The following TERB2 variants were observed in gnomAD, a reference collection of about 807,000 sequenced individuals.
TERB2 encodes the protein telomere repeats-binding bouquet formation protein 2.
Under a neutral mutation model 29.8 loss-of-function variants are expected in TERB2, and 26 were observed. That is an observed-to-expected ratio of 0.87 (90% CI 0.64 to 1.21). TERB2 has a LOEUF of 1.21. Among genes scored for constraint, TERB2 ranks in the 50% most tolerant of loss-of-function variants. The probability of loss-of-function intolerance (pLI) is 0.00; values close to 1 mark genes in which losing one functional copy is unlikely to be tolerated. For missense variants in TERB2, 240 were observed against 268.6 expected (o/e 0.89, Z 0.74); for synonymous variants, 80 against 90.8 (o/e 0.88, Z 0.68).
chr15:44,971,705 A>G (rs111390614), intron 5 of TERB2, among the ~76,000 whole-genome samples: 2,529 of 152,178 alleles, frequency 0.017, 22 homozygotes, highest in Middle Eastern at 0.031. Context: ...GCAGTAAGCC[A>G]AGACCATGCC....
rs143033873 is a variant in TERB2 at position 44,962,587 on chromosome 15, T to C, written c.348+1003T>C. 7.2e-5 allele frequency among the ~76,000 whole-genome samples: 11 copies of C among 152,274 alleles called. No homozygotes were observed. In the East Asian group the frequency reaches 2.1e-3, roughly 29 times the overall value. On this transcript the variant is annotated intron_variant, in intron 4 of 6. Coordinates refer to ENST00000340827, the MANE Select transcript of TERB2 (RefSeq NM_152448.3). ...TGAATAACACGCCTCAATAAATGTGTACAAGAGTCTGTCTGAACCTATTCT... is the reference window on the plus strand; with the variant it reads ...TGAATAACACGCCTCAATAAATGTGCACAAGAGTCTGTCTGAACCTATTCT...
At chr15:44,966,352 A>C (rs73419356) in intron 5 of TERB2, 109 bp downstream of exon 5, 2 of 500,390 alleles carry the variant, frequency 4.0e-6, no homozygotes, top group Non-Finnish European at 6.5e-6. Context: ...GATAGATAGC[A>C]TTATAATCAT....
intron 6 of TERB2, among the ~76,000 whole-genome samples, chr15:44,977,817 A>T (rs1157005012): frequency 3.9e-5 from 6 of 152,208 alleles, no homozygotes; most frequent in Non-Finnish European, 7.4e-5. Context: ...TAAAAGCCAC[A>T]AACACTTGTA....
intron 3 of TERB2, 117 bp from the exon 4 acceptor site, chr15:44,961,406 G>A: frequency 3.0e-6 from 2 of 657,740 alleles, no homozygotes; most frequent in Non-Finnish European, 5.3e-6. Context: ...AGTGTGTTAT[G>A]TGATTTTGTT....
intron 3 of TERB2, among the ~76,000 whole-genome samples, chr15:44,960,987 A>G (rs898981758): frequency 6.6e-6 from 1 of 151,840 alleles, no homozygotes; most frequent in Non-Finnish European, 1.5e-5. Flanking sequence ...TTAGATATAC[A>G]TCTAATATAT....
At chr15:44,964,898 G>T (rs1218081454) in intron 4 of TERB2, among the ~76,000 whole-genome samples, 1 of 151,766 alleles carries the variant, frequency 6.6e-6, no homozygotes, top group Non-Finnish European at 1.5e-5. Context: ...GCAGTGGGTC[G>T]CGCCTGTAAT....
intron 5 of TERB2, among the ~76,000 whole-genome samples, chr15:44,969,403 C>T (rs1446403687): frequency 1.3e-5 from 2 of 152,090 alleles, no homozygotes; most frequent in African/African-American, 4.8e-5. Flanking sequence ...CCAACTCGCC[C>T]AGCCTAATTA....
At chr15:44,973,029 G>C (rs112538537) in intron 5 of TERB2, among the ~76,000 whole-genome samples, 2,516 of 150,836 alleles carry the variant, frequency 0.017, 22 homozygotes, top group Middle Eastern at 0.031. Context: ...ATTACAGGTG[G>C]GTGCCACCAC....
In TERB2 at chr15:44,978,714, TG is replaced by T. The variant is rs1424460215; in HGVS notation, c.*91del. On this transcript the variant is annotated 3_prime_UTR_variant, in exon 7 of 7. Coordinates refer to ENST00000340827, the MANE Select transcript of TERB2 (RefSeq NM_152448.3). ...ATCATAAAATGCTCCCTTTTGGTAC[TG>T]GGGGATAGTGAAATGGGAAATAATT... 9.7e-6 allele frequency: 13 copies of T among 1,336,010 alleles called. No homozygotes were observed. The highest frequency in any genetic ancestry group is 1.5e-5 in the African/African-American group (1 of 67,114). 82.8% of individuals were successfully genotyped at this position (1,336,010 alleles called of 1,614,324 possible). A position where few individuals can be genotyped will look rare whatever the true frequency, so the allele number is the denominator to read the frequency against.
At chr15:44,970,854 C>A (rs1478225143) in intron 5 of TERB2, 1 of 154,598 alleles carries the variant, frequency 6.5e-6, no homozygotes, top group African/African-American at 2.4e-5. Flanking sequence ...CTCATTTTAT[C>A]CAATTTGCTC....
intron 5 of TERB2, among the ~76,000 whole-genome samples, chr15:44,966,718 TAC>T (rs1891895548): frequency 3.3e-5 from 5 of 152,230 alleles, no homozygotes; most frequent in African/African-American, 4.8e-5. Context: ...GGAAATACAC[TAC>T]ATATTAGCAG....
intron 5 of TERB2, among the ~76,000 whole-genome samples, chr15:44,969,027 G>A (rs1383618625): frequency 3.9e-5 from 6 of 152,024 alleles, no homozygotes; most frequent in Admixed American, 3.9e-4. Context: ...ACTCCCAGGA[G>A]TTCAGGCAAT....
intron 5 of TERB2, among the ~76,000 whole-genome samples, chr15:44,973,142 A>G (rs1891995792): frequency 6.6e-6 from 1 of 152,146 alleles, no homozygotes. Context: ...CGGCCTCCCA[A>G]AGTGCCAGAT....
chr15:44,961,780 A>G (rs1438060841), intron 4 of TERB2, among the ~76,000 whole-genome samples, 196 bp downstream of exon 4: 1 of 152,196 alleles, frequency 6.6e-6, no homozygotes, highest in Non-Finnish European at 1.5e-5. Flanking sequence ...GCTCACTGCA[A>G]CCTTTGCCTT....
At chr15:44,974,050 G>A (rs192772490) in intron 6 of TERB2, 95 bp downstream of exon 6, 1 of 1,179,448 alleles carries the variant, frequency 8.5e-7, no homozygotes, top group East Asian at 4.0e-5. Context: ...TACCTAGAGA[G>A]TAGAGCCTTC....
chr15:44,976,015 T>C (rs1892042090), intron 6 of TERB2: 2 of 152,232 alleles, frequency 1.3e-5, no homozygotes. Context: ...TTTATTGATG[T>C]AAATCAAAGT....
chr15:44,959,647 C>T (rs1891771866), intron 3 of TERB2, among the ~76,000 whole-genome samples: 1 of 152,200 alleles, frequency 6.6e-6, no homozygotes, highest in Non-Finnish European at 1.5e-5. Context: ...GGAATACAGG[C>T]ATGAGCCATT....
At chr15:44,974,613 T>A (rs150960438) in intron 6 of TERB2, among the ~76,000 whole-genome samples, 1 of 152,186 alleles carries the variant, frequency 6.6e-6, no homozygotes, top group East Asian at 1.9e-4. Context: ...AAAGTGGCCA[T>A]TGGGATTTCA....
At chr15:44,978,317 G>A (rs371478520) in intron 6 of TERB2, among the ~76,000 whole-genome samples, 172 bp from the exon 7 acceptor site, 2,687 of 152,152 alleles carry the variant, frequency 0.018, 45 homozygotes, top group Non-Finnish European at 0.023. Flanking sequence ...AGGTGTTCCC[G>A]GATAATTATA....
Sources: allele counts gnomAD v4.1 joint callset (sites outside exome capture counted in the v4.1 genomes callset), GRCh38; gene constraint gnomAD v4.1.1; transcripts MANE v1.5; gene names NCBI Gene and HGNC (gene_info 2026-07-23, HGNC 2026-07-21).